The following BCAR1 variants were observed in gnomAD, a reference collection of about 807,000 sequenced individuals.
BCAR1 encodes BCAR1 scaffold protein, Cas family member.
BCAR1 carries 30 observed loss-of-function variants against 67.6 expected under a neutral mutation model. That is an observed-to-expected ratio of 0.44 (90% CI 0.33 to 0.60). BCAR1 has a LOEUF of 0.60. BCAR1 is among the 20% of genes least tolerant of loss of function. The pLI is 0.02. For synonymous variants in BCAR1, 626 were observed against 556.7 expected (o/e 1.12, Z -1.75); for missense variants, 1,313 against 1,222.3 (o/e 1.07, Z -1.11).
At position 75,242,879 on chromosome 16, in the gene BCAR1, C is replaced by G; in HGVS notation, c.224G>C (p.Gly75Ala). 1 of 1,610,432 alleles carries G rather than the reference C, an allele frequency of 6.2e-7. No individual in the cohort carries two copies. The highest frequency in any genetic ancestry group is 8.5e-7 in the Non-Finnish European group (1 of 1,179,440). The change falls in exon 2 of 7, where the codon GGC (glycine) becomes GCC (alanine). Residue 75 changes from glycine (G) to alanine (A), a missense_variant. Gly to Ala is a moderately conservative substitution (Grantham distance 60). Around this residue, in one of 2 missense-constraint regions of BCAR1, gnomAD observed 1,272 missense variants for 1,137.5 expected, o/e 1.12. Coordinates refer to ENST00000162330, the MANE Select transcript of BCAR1 (RefSeq NM_014567.5). ...GMYDKKPAGP[G>A]PGPPATPAQP... Reference sequence around the variant, plus strand: ...GGCCGGGGTGGCGGGAGGGCCGGGGCCAGGCCCTGCTGGCTTCTTATCATA... The same window carrying G: ...GGCCGGGGTGGCGGGAGGGCCGGGGGCAGGCCCTGCTGGCTTCTTATCATA...
intron 2 of BCAR1, 63 bp from the exon 3 acceptor site, chr16:75,237,407 C>T (rs1481940292): frequency 4.3e-6 from 6 of 1,398,970 alleles, no homozygotes; most frequent in Middle Eastern, 3.7e-4. Flanking sequence ...GCTCCACTCA[C>T]ACCTGGGAGC....
intron 1 of BCAR1, among the ~76,000 whole-genome samples, chr16:75,244,784 G>C (rs1175710163): frequency 2.0e-5 from 3 of 152,188 alleles, no homozygotes; most frequent in Non-Finnish European, 2.9e-5. Flanking sequence ...TGAGCACAAG[G>C]GCAGAGGCCC....
chr16:75,239,011 G>A (rs532444961), intron 2 of BCAR1: 9 of 985,430 alleles, frequency 9.1e-6, no homozygotes, highest in East Asian at 2.3e-4. Flanking sequence ...AGGCCCAGGG[G>A]TGCAGCTGGA....
chr16:75,267,328 A>C (rs984174750), intron 1 of BCAR1, among the ~76,000 whole-genome samples: 4 of 146,236 alleles, frequency 2.7e-5, no homozygotes, highest in Non-Finnish European at 6.0e-5. Context: ...AACTGTGCAC[A>C]TCAGCGTCCG....
At chr16:75,259,850 T>TAAAAA (rs144448216) in intron 1 of BCAR1, among the ~76,000 whole-genome samples, 4 of 73,458 alleles carry the variant, frequency 5.4e-5, no homozygotes, top group Non-Finnish European at 9.9e-5. Flanking sequence ...AGACTCCATC[T>TAAAAA]AAAAAAAAAA....
chr16:75,240,687 A>C (rs1195113182), intron 2 of BCAR1, among the ~76,000 whole-genome samples: 5 of 152,338 alleles, frequency 3.3e-5, no homozygotes, highest in Admixed American at 3.3e-4. Context: ...CATAAAATAC[A>C]AGCAGACACA....
At chr16:75,263,903 T>C (rs1441366169) in intron 1 of BCAR1, 3 of 1,052,744 alleles carry the variant, frequency 2.8e-6, no homozygotes, top group East Asian at 6.9e-5. Context: ...ATTCTCCTCT[T>C]GGCCCCACCA....
At chr16:75,236,114 A>G (rs1320059904) in intron 4 of BCAR1, 128 bp from the exon 5 acceptor site, 31 of 1,221,640 alleles carry the variant, frequency 2.5e-5, no homozygotes, top group Non-Finnish European at 3.5e-5. Context: ...AGGCACGCGC[A>G]CACACACAGG....
rs564893665 is a variant in BCAR1, at chr16:75,234,804, G to T, written c.2010+85C>A. On this transcript the variant is annotated intron_variant, in intron 5 of 6. Coordinates refer to ENST00000162330, the MANE Select transcript of BCAR1 (RefSeq NM_014567.5). ...GGGTGCAGGGCCTTGCCAGGGACCA[G>T]GCCCCAGCTGAGAACAAATCTCCCC... 3.1e-5 allele frequency: 47 copies of T among 1,498,138 alleles called. No homozygotes were observed. The South Asian group carries it at 5.8e-4, about 18-fold the overall frequency. 92.8% of individuals were successfully genotyped at this position (1,498,138 alleles called of 1,614,324 possible).
At chr16:75,244,124 C>T (rs975556713) in intron 1 of BCAR1, among the ~76,000 whole-genome samples, 7 of 152,210 alleles carry the variant, frequency 4.6e-5, no homozygotes, top group Admixed American at 2.0e-4. Flanking sequence ...GGACAGTGAC[C>T]GGCACTGGGC....
In BCAR1 at chr16:75,263,729, C is replaced by T. The variant is rs972672231; in HGVS notation, c.66+4186G>A. On this transcript the variant is annotated intron_variant, in intron 1 of 6. Coordinates refer to the BCAR1 transcript ENST00000393422. ...TCAGCCCATCTAGGAAAAGACTGCC[C>T]AAATGGATGGGTGTGCTTAAAACCC... 3.0e-6 allele frequency: 3 copies of T among 985,548 alleles called. No individual in the cohort carries two copies. In the African/African-American group the frequency reaches 5.2e-5, roughly 17 times the overall value. The allele number at this position is 985,548 out of a possible 1,614,324, so 61.1% of individuals were successfully genotyped here.
chr16:75,230,450 A>G (rs952940102), intron 6 of BCAR1, among the ~76,000 whole-genome samples: 1 of 152,190 alleles, frequency 6.6e-6, no homozygotes, highest in Non-Finnish European at 1.5e-5. Context: ...TCAAAATGGA[A>G]GGTTAAAAAA....
In BCAR1 at chr16:75,250,222, C is replaced by A. The variant is rs189179927; in HGVS notation, c.12+1249G>T. ...CCCTGCCCTGCCTCCACCCAGCTCC[C>A]GGGCAAGCAGTGCCAGGAGGAAGTG... On this transcript the variant is annotated intron_variant, in intron 1 of 6. Transcript: ENST00000162330. The A allele has an allele frequency of 6.5e-3, 998 of 152,606 alleles. 7 individuals carry two copies. The highest frequency in any genetic ancestry group is 0.011 in the Non-Finnish European group (723 of 68,292). 9.5% of individuals were successfully genotyped at this position (152,606 alleles called of 1,614,324 possible). A position where few individuals can be genotyped will look rare whatever the true frequency, so the allele number is the denominator to read the frequency against.
Position 75,267,394 on chromosome 16 carries a change from CGGG to C in BCAR1, c.66+518_66+520del, listed in dbSNP as rs66513768. On this transcript the variant is annotated intron_variant, in intron 1 of 6. Transcript: ENST00000393422. ...GGGGCCAAGCAGGGCCACAGCAAGC[CGGG>C]GGGGGGGTGGGGGGCCTGGACCGAC... Among the ~76,000 whole-genome samples the C allele has an allele frequency of 1.3e-4, 16 of 124,888 alleles. No homozygotes were observed. The South Asian group carries it at 2.1e-3, about 16-fold the overall frequency. The allele number at this position is 124,888 out of a possible 152,430, so 81.9% of individuals were successfully genotyped here.
At chr16:75,241,595 C>T (rs1422632215) in intron 2 of BCAR1, among the ~76,000 whole-genome samples, 1 of 152,210 alleles carries the variant, frequency 6.6e-6, no homozygotes, top group Non-Finnish European at 1.5e-5. Flanking sequence ...AGCCAGTGAC[C>T]CAGGTTCCCC....
At position 75,233,880 on chromosome 16, in the gene BCAR1, G is replaced by A. The variant is rs1268848217; in HGVS notation, c.2066C>T (p.Thr689Met). The A allele has an allele frequency of 1.1e-5, 18 of 1,610,274 alleles. No individual in the cohort carries two copies. The highest frequency in any genetic ancestry group is 6.7e-5 in the East Asian group (3 of 44,830). Residue 689 changes from threonine (T) to methionine (M), a missense_variant, in exon 6 of 7, where the codon ACG becomes ATG. Physicochemically the swap from Thr to Met is moderately conservative, Grantham distance 81. Coordinates refer to ENST00000162330, the MANE Select transcript of BCAR1 (RefSeq NM_014567.5). Reference sequence around the variant, plus strand: ...CTCCAGCTGGCTCTTGCCCTGCCGCGTGATGCTGCCCTTTTCCAGCAGCTC... The same window carrying A: ...CTCCAGCTGGCTCTTGCCCTGCCGCATGATGCTGCCCTTTTCCAGCAGCTC... ...QKELLEKGSI[T>M]RQGKSQLELQ... is the part of the protein sequence containing the mutation.
Position 75,235,326 on chromosome 16 carries a change from C to T in BCAR1, c.1573G>A (p.Ala525Thr), listed in dbSNP as rs117943983. The T allele has an allele frequency of 6.1e-4, 984 of 1,601,808 alleles. 1 individual carries two copies. The East Asian group carries it at 8.4e-3, about 14-fold the overall frequency. ...VHELLEFARS[A>T]VGNAAHTSDR... ...GATGTGTGGGCAGCATTGCCCACCG[C>T]GCTGCGGGCAAACTCCAACAGCTCG... The change falls in exon 5 of 7, where the codon GCG becomes ACG. Residue 525 changes from alanine (A) to threonine (T), a missense_variant. This residue lies in a region of BCAR1 where 1,272 missense variants were observed against 1,137.5 expected (regional missense o/e 1.12). Transcript: ENST00000162330.
At chr16:75,257,343 C>T (rs2077802009) in intron 1 of BCAR1, among the ~76,000 whole-genome samples, 1 of 152,252 alleles carries the variant, frequency 6.6e-6, no homozygotes, top group Non-Finnish European at 1.5e-5. Context: ...CTGCTGGGGT[C>T]AGCAGGCCAG....
chr16:75,234,916 C>T lies in BCAR1; in HGVS notation c.1983G>A (p.Met661Ile), dbSNP rs1252391307. ...GQYENSEGGW[M>I]EDYDYVHLQG... is the part of the protein sequence containing the mutation. ...GTAGGTGGACGTAGTCATAGTCCTC[C>T]ATCCAGCCCCCCTCGCTGTTCTCGT... Residue 661 changes from methionine (M) to isoleucine (I), a missense_variant, in exon 5 of 7, where the codon ATG (methionine) becomes ATA (isoleucine). Met to Ile is a conservative substitution (Grantham distance 10, BLOSUM62 1). Around this residue, in one of 2 missense-constraint regions of BCAR1, gnomAD observed 1,272 missense variants for 1,137.5 expected, o/e 1.12. Transcript: ENST00000162330. 2 of 1,545,098 alleles carry T rather than the reference C, an allele frequency of 1.3e-6. No homozygotes were observed. Among genetic ancestry groups the T allele is most frequent in the Non-Finnish European group, 1.8e-6 (2 of 1,141,040 alleles).
Sources: gnomAD v4.1 joint callset for allele counts (sites outside exome capture counted in the v4.1 genomes callset) on GRCh38, gnomAD v4.1.1 for gene constraint, gnomAD v4.1.1 regional missense constraint, MANE v1.5 for transcripts, NCBI Gene and HGNC (gene_info 2026-07-23, HGNC 2026-07-21) for gene names.